The following IGFBP7 variants were observed in gnomAD, a reference collection of about 807,000 sequenced individuals.
IGFBP7 encodes insulin like growth factor binding protein 7, also known as insulin-like growth factor-binding protein 7.
IGFBP7 carries 31 observed loss-of-function variants against 29.4 expected under a neutral mutation model. The observed-to-expected ratio is 1.05, with a 90% CI of 0.79 to 1.42. The LOEUF is 1.42. IGFBP7 is among the 40% of genes most tolerant of loss of function. IGFBP7 has a pLI of 0.00. For missense variants in IGFBP7, 393 were observed against 395.5 expected (o/e 0.99, Z 0.05); for synonymous variants, 172 against 174.9 (o/e 0.98, Z 0.13).
chr4:57,059,861 G>A (rs923919555), intron 1 of IGFBP7, among the ~76,000 whole-genome samples: 3 of 152,152 alleles, frequency 2.0e-5, no homozygotes, highest in Admixed American at 6.5e-5. Flanking sequence ...CTACTGCTTC[G>A]TTGAATTAAT....
At chr4:57,098,083 G>A (rs1174569408) in intron 1 of IGFBP7, among the ~76,000 whole-genome samples, 1 of 152,200 alleles carries the variant, frequency 6.6e-6, no homozygotes, top group Non-Finnish European at 1.5e-5. Context: ...GAACAAAAGG[G>A]CTGACCATCT....
At chr4:57,066,078 G>C (rs1724915435) in intron 1 of IGFBP7, among the ~76,000 whole-genome samples, 1 of 152,090 alleles carries the variant, frequency 6.6e-6, no homozygotes, top group Non-Finnish European at 1.5e-5. Context: ...TGGTGGCATG[G>C]GTCTTCCATC....
intron 1 of IGFBP7, among the ~76,000 whole-genome samples, chr4:57,102,312 T>C (rs1725919216): frequency 6.6e-6 from 1 of 152,344 alleles, no homozygotes; most frequent in South Asian, 2.1e-4. Flanking sequence ...GGAAATCGTA[T>C]TTCAGGATGT....
At chr4:57,106,352 C>G (rs1413674859) in intron 1 of IGFBP7, among the ~76,000 whole-genome samples, 1 of 151,916 alleles carries the variant, frequency 6.6e-6, no homozygotes, top group Non-Finnish European at 1.5e-5. Context: ...GGATCATAGG[C>G]AAGAGTTCAA....
At position 57,051,207 on chromosome 4, in the gene IGFBP7, A is replaced by G. The variant is rs139903792; in HGVS notation, c.476-10274T>C. Among the ~76,000 whole-genome samples, 10 of 152,318 alleles carry G rather than the reference A, an allele frequency of 6.6e-5. No homozygotes were observed. The East Asian group carries it at 1.9e-3, about 29-fold the overall frequency. ...ATGAAACAAGTGGAAGCTTCCTGAT[A>G]TTAAATAAGGGGAAGCAGTAACTGT... On this transcript the variant is annotated intron_variant, in intron 1 of 4. Transcript: ENST00000295666.
At chr4:57,040,231 A>T (rs1385049745) in intron 2 of IGFBP7, among the ~76,000 whole-genome samples, 1 of 152,066 alleles carries the variant, frequency 6.6e-6, no homozygotes, top group Non-Finnish European at 1.5e-5. Flanking sequence ...GCACTTAGGG[A>T]ATCTGAAAAA....
intron 1 of IGFBP7, among the ~76,000 whole-genome samples, chr4:57,074,052 TCTCTCTCTCTCTC>T (rs1291109369): frequency 1.6e-5 from 1 of 64,058 alleles, no homozygotes; most frequent in Non-Finnish European, 3.8e-5. Context: ...TCTCTCTCTC[TCTCTCTCTCTCTC>T]TCTTTTTTCT....
At chr4:57,092,493 T>C (rs551835759) in intron 1 of IGFBP7, among the ~76,000 whole-genome samples, 1 of 152,128 alleles carries the variant, frequency 6.6e-6, no homozygotes, top group Non-Finnish European at 1.5e-5. Flanking sequence ...CTCAATGGTC[T>C]CTATGCCATT....
At chr4:57,077,459 G>A (rs1725255842) in intron 1 of IGFBP7, among the ~76,000 whole-genome samples, 1 of 152,108 alleles carries the variant, frequency 6.6e-6, no homozygotes, top group South Asian at 2.1e-4. Context: ...TGTATTTTTA[G>A]TAGAAACGGG....
intron 3 of IGFBP7, among the ~76,000 whole-genome samples, chr4:57,032,931 C>T (rs11573125): frequency 0.026 from 3,984 of 152,340 alleles, 315 homozygotes; most frequent in East Asian, 0.25. Flanking sequence ...TTGGGCCACG[C>T]AGCTCCGTGT....
Position 57,073,254 on chromosome 4 carries a change from A to ATTG in IGFBP7, c.476-32322_476-32321insCAA, listed in dbSNP as rs567782606. On this transcript the variant is annotated intron_variant, in intron 1 of 4. Coordinates refer to ENST00000295666, the MANE Select transcript of IGFBP7 (RefSeq NM_001553.3). ...CTGTGGTATTATTATTATTATTATT[A>ATTG]TTAGTCTTTTAAGCCTCCAGTTGAG... 743 of 378,594 alleles carry ATTG rather than the reference A, an allele frequency of 2.0e-3. 8 individuals are homozygous for ATTG. The highest frequency in any genetic ancestry group is 0.017 in the African/African-American group (676 of 40,774). The allele number at this position is 378,594 out of a possible 1,614,324, so 23.5% of individuals were successfully genotyped here.
At chr4:57,085,712 T>C (rs1002106737) in intron 1 of IGFBP7, among the ~76,000 whole-genome samples, 4 of 152,206 alleles carry the variant, frequency 2.6e-5, no homozygotes, top group Non-Finnish European at 5.9e-5. Flanking sequence ...TCTTTCTCTG[T>C]GCTTTTTTAA....
At chr4:57,046,422 C>G (rs1486660473) in intron 1 of IGFBP7, among the ~76,000 whole-genome samples, 2 of 152,116 alleles carry the variant, frequency 1.3e-5, no homozygotes, top group Non-Finnish European at 2.9e-5. Context: ...AAGGGCAAGG[C>G]AGATCGAGAA....
chr4:57,106,563 G>C (rs1726036341), intron 1 of IGFBP7, among the ~76,000 whole-genome samples: 2 of 152,172 alleles, frequency 1.3e-5, no homozygotes, highest in South Asian at 4.1e-4. Flanking sequence ...GAGTTATATT[G>C]TGAAGGGCCT....
At chr4:57,089,805 T>G (rs934513086) in intron 1 of IGFBP7, among the ~76,000 whole-genome samples, 15 of 152,238 alleles carry the variant, frequency 9.9e-5, no homozygotes, top group African/African-American at 3.6e-4. Flanking sequence ...TATGGGCTTC[T>G]GGGAAACATT....
intron 1 of IGFBP7, among the ~76,000 whole-genome samples, chr4:57,055,717 T>G (rs1724649349): frequency 6.6e-6 from 1 of 152,140 alleles, no homozygotes; most frequent in Admixed American, 6.5e-5. Context: ...GTCCCTCTTC[T>G]GCCCTCCTCA....
chr4:57,056,147 G>T (rs770790294), intron 1 of IGFBP7, among the ~76,000 whole-genome samples: 1 of 152,078 alleles, frequency 6.6e-6, no homozygotes, highest in Non-Finnish European at 1.5e-5. Context: ...TGGCCCCTCT[G>T]GTCATTTTCT....
At chr4:57,062,006 AG>A (rs1404845315) in intron 1 of IGFBP7, among the ~76,000 whole-genome samples, 1 of 152,062 alleles carries the variant, frequency 6.6e-6, no homozygotes, top group Admixed American at 6.6e-5. Context: ...TGTTTTTCCT[AG>A]CAATCTTGTG....
At chr4:57,066,177 C>T (rs745516462) in intron 1 of IGFBP7, among the ~76,000 whole-genome samples, 17 of 152,150 alleles carry the variant, frequency 1.1e-4, no homozygotes, top group African/African-American at 3.4e-4. Context: ...ACTCTGGTGA[C>T]GCACTTGAAT....
Sources: allele counts gnomAD v4.1 joint callset (sites outside exome capture counted in the v4.1 genomes callset), GRCh38; gene constraint gnomAD v4.1.1; transcripts MANE v1.5; gene names NCBI Gene and HGNC (gene_info 2026-07-23, HGNC 2026-07-21).